The following RNF212B variants were observed in gnomAD, a reference collection of about 807,000 sequenced individuals.
RNF212B encodes E3 ubiquitin-protein ligase RNF212B.
Under a neutral mutation model 55.5 loss-of-function variants are expected in RNF212B, and 52 were observed. That is an observed-to-expected ratio of 0.94 (90% CI 0.75 to 1.18). The LOEUF (loss-of-function observed/expected upper bound fraction) is 1.18. Among genes scored for constraint, RNF212B ranks in the 50% most tolerant of loss-of-function variants. The probability of loss-of-function intolerance (pLI) is 0.00; values close to 1 mark genes in which losing one functional copy is unlikely to be tolerated. For missense variants in RNF212B, 289 were observed against 350.4 expected (o/e 0.82, Z 1.40); for synonymous variants, 99 against 121.4 (o/e 0.82, Z 1.21).
At chr14:23,209,106 G>A (rs1184743962) in intron 2 of RNF212B, among the ~76,000 whole-genome samples, 2 of 152,176 alleles carry the variant, frequency 1.3e-5, no homozygotes, top group Non-Finnish European at 2.9e-5. Flanking sequence ...TAAACAAGGG[G>A]TGGATTATTC....
At chr14:23,243,329 C>T (rs1284509833) in intron 3 of RNF212B, 21 bp downstream of exon 3, 7 of 1,540,586 alleles carry the variant, frequency 4.5e-6, no homozygotes, top group Non-Finnish European at 5.3e-6. Flanking sequence ...CTCCCCCTGC[C>T]ACAAACTGTC....
At chr14:23,258,693 CTT>C (rs10547691) in intron 5 of RNF212B, 29 bp downstream of exon 5, 251,181 of 585,768 alleles carry the variant, frequency 0.43, 31,983 homozygotes, top group African/African-American at 0.67. Flanking sequence ...CCCAAGAGAG[CTT>C]TTTTTTTTTT....
At chr14:23,201,857 T>C (rs964045361) in intron 2 of RNF212B, among the ~76,000 whole-genome samples, 1 of 152,214 alleles carries the variant, frequency 6.6e-6, no homozygotes, top group South Asian at 2.1e-4. Flanking sequence ...ATGGAGCCAA[T>C]TCCACTTGCT....
intron 2 of RNF212B, among the ~76,000 whole-genome samples, chr14:23,205,916 A>C (rs554912422): frequency 6.6e-6 from 1 of 152,192 alleles, no homozygotes; most frequent in Admixed American, 6.5e-5. Flanking sequence ...GACACCTTAC[A>C]TTATTTGGCA....
intron 2 of RNF212B, among the ~76,000 whole-genome samples, chr14:23,215,469 C>G (rs1283128757): frequency 6.6e-6 from 1 of 152,154 alleles, no homozygotes; most frequent in Non-Finnish European, 1.5e-5. Context: ...TGTGTCACAG[C>G]ATTCTAGCCT....
intron 2 of RNF212B, among the ~76,000 whole-genome samples, chr14:23,203,569 T>C (rs1247334785): frequency 6.6e-6 from 1 of 151,140 alleles, no homozygotes; most frequent in East Asian, 2.0e-4. Flanking sequence ...ATCTCCACCT[T>C]CCGGGTTCAA....
At chr14:23,263,066 G>C in intron 9 of RNF212B, 96 bp downstream of exon 9, 1 of 1,151,618 alleles carries the variant, frequency 8.7e-7, no homozygotes. Flanking sequence ...GAAATTTTAG[G>C]TCTATGTAGA....
At chr14:23,216,062 G>A (rs900017703) in intron 2 of RNF212B, among the ~76,000 whole-genome samples, 3 of 87,844 alleles carry the variant, frequency 3.4e-5, no homozygotes, top group African/African-American at 7.8e-5. Flanking sequence ...TGGCTAACAC[G>A]GTGAAACCCC....
chr14:23,232,692 G>T (rs1882771154), intron 2 of RNF212B, among the ~76,000 whole-genome samples: 1 of 151,466 alleles, frequency 6.6e-6, no homozygotes, highest in African/African-American at 2.4e-5. Context: ...AGGGAGGTGG[G>T]GGGTCAGCCC....
chr14:23,242,081 C>CA (rs58497672), intron 2 of RNF212B, among the ~76,000 whole-genome samples: 693 of 36,538 alleles, frequency 0.019, 36 homozygotes, highest in Middle Eastern at 0.042. Flanking sequence ...GACTCCGTCT[C>CA]AAAAAAAAAA....
chr14:23,187,037 C>G (rs1001434568), intron 1 of RNF212B, among the ~76,000 whole-genome samples: 2 of 152,142 alleles, frequency 1.3e-5, no homozygotes, highest in East Asian at 1.9e-4. Context: ...CTGGGCCCCC[C>G]CAACATTTGT....
intron 4 of RNF212B, among the ~76,000 whole-genome samples, chr14:23,247,293 T>C (rs1325021401): frequency 2.0e-5 from 3 of 152,146 alleles, no homozygotes; most frequent in Non-Finnish European, 2.9e-5. Context: ...TTTTAAAGTA[T>C]GCAATTCAGT....
At chr14:23,233,399 T>C (rs1882860889), upstream of RNF212B, among the ~76,000 whole-genome samples, 1 of 133,222 alleles carries the variant, frequency 7.5e-6, no homozygotes, top group South Asian at 2.3e-4. Flanking sequence ...CCAAGAATGA[T>C]CAATTAAAAA....
chr14:23,247,189 CT>C (rs1048802901), intron 4 of RNF212B, among the ~76,000 whole-genome samples: 35 of 147,380 alleles, frequency 2.4e-4, no homozygotes, highest in African/African-American at 4.7e-4. Context: ...ACCCCATCTA[CT>C]TTTTTTTTTA....
At chr14:23,234,692 CG>C, upstream of RNF212B, among the ~76,000 whole-genome samples, 1 of 152,360 alleles carries the variant, frequency 6.6e-6, no homozygotes, top group East Asian at 1.9e-4. Flanking sequence ...AAATTACAGA[CG>C]TTTTATAATA....
chr14:23,269,029 G>A (rs971910159), intron 12 of RNF212B, 66 bp downstream of exon 12: 1 of 1,360,196 alleles, frequency 7.4e-7, no homozygotes, highest in African/African-American at 1.4e-5. Context: ...AGCAGGCTGG[G>A]TGCGGTGGCT....
At chr14:23,242,362 T>C (rs556932409) in intron 2 of RNF212B, among the ~76,000 whole-genome samples, 1 of 152,250 alleles carries the variant, frequency 6.6e-6, no homozygotes, top group Non-Finnish European at 1.5e-5. Context: ...AAATTTCACT[T>C]TACAGGGAAA....
chr14:23,225,459 A>G (rs1429350970), intron 2 of RNF212B, among the ~76,000 whole-genome samples: 1 of 152,230 alleles, frequency 6.6e-6, no homozygotes, highest in African/African-American at 2.4e-5. Flanking sequence ...TATATACAGT[A>G]GAGTACTATT....
intron 14 of RNF212B, chr14:23,272,447 AAC>A (rs1042395168): frequency 7.8e-6 from 2 of 257,682 alleles, no homozygotes; most frequent in African/African-American, 4.7e-5. Context: ...CAAACAAACA[AAC>A]AACCGAAAAT....
Sources: allele counts gnomAD v4.1 joint callset (sites outside exome capture counted in the v4.1 genomes callset), GRCh38; gene constraint gnomAD v4.1.1; transcripts MANE v1.5; gene names NCBI Gene and HGNC (gene_info 2026-07-23, HGNC 2026-07-21).